Variants in STXBP5 observed in about 807,000 individuals in gnomAD.
STXBP5 encodes the protein syntaxin-binding protein 5.
STXBP5 carries 50 observed loss-of-function variants against 152.4 expected under a neutral mutation model. That is an observed-to-expected ratio of 0.33 (90% CI 0.26 to 0.42). The LOEUF (loss-of-function observed/expected upper bound fraction) is 0.42, where lower values mean the gene tolerates loss of function less well. Among genes scored for constraint, STXBP5 ranks in the 10% least tolerant of loss-of-function variants. STXBP5 has a pLI of 1.00. For synonymous variants in STXBP5, 492 were observed against 494.7 expected, an observed-to-expected ratio of 0.99 and a Z score of 0.07; for missense variants, 1,167 against 1,388.6, an observed-to-expected ratio of 0.84 and a Z score of 2.54.
chr6:147,258,769 C>G (rs1427655543), intron 4 of STXBP5, among the ~76,000 whole-genome samples: 1 of 152,034 alleles, frequency 6.6e-6, no homozygotes, highest in Non-Finnish European at 1.5e-5. Flanking sequence ...ACACATTACT[C>G]CTTTTAAGTA....
chr6:147,254,670 A>G (rs937911503), intron 4 of STXBP5, among the ~76,000 whole-genome samples: 3 of 152,234 alleles, frequency 2.0e-5, no homozygotes, highest in Non-Finnish European at 2.9e-5. Flanking sequence ...TTATGCAGAC[A>G]CTTCTCAAAT....
chr6:147,308,534 A>G (rs1241715904), intron 9 of STXBP5, among the ~76,000 whole-genome samples: 1 of 152,172 alleles, frequency 6.6e-6, no homozygotes, highest in African/African-American at 2.4e-5. Context: ...GGATGCAGCA[A>G]TGAACAAATC....
chr6:147,221,002 C>T (rs1334628910), intron 2 of STXBP5, among the ~76,000 whole-genome samples: 2 of 151,862 alleles, frequency 1.3e-5, no homozygotes, highest in African/African-American at 4.8e-5. Flanking sequence ...TTATATGGTT[C>T]CACATTTTCT....
At position 147,229,817 on chromosome 6, in the gene STXBP5, C is replaced by G. The variant is rs1777903212; in HGVS notation, c.249-5433C>G. The stretch of plus-strand genomic sequence containing the variant: ...ATGTCACCTATGAATAAAGATAGTT[C>G]TACTTTTTTTCTTTCTATTCTGAAC... On this transcript the variant is annotated intron_variant, in intron 2 of 27. Coordinates refer to ENST00000321680, the MANE Select transcript of STXBP5 (RefSeq NM_001127715.4). 2.6e-5 allele frequency among the ~76,000 whole-genome samples: 4 copies of G among 151,536 alleles called. No homozygotes were observed. In the South Asian group the frequency reaches 8.3e-4, roughly 31 times the overall value.
Position 147,239,187 on chromosome 6 carries a change from C to T in STXBP5, c.348C>T (p.Ala116=), listed in dbSNP as rs34324348. Residue 116 remains alanine (A), a synonymous_variant, in exon 4 of 28, where the codon GCC becomes GCT. Transcript: ENST00000321680. ...TTTTTAAGGGAGCGCTTGTGAGTGC[C>T]TTGGCTGATGACACCTTACACTTAT... ...FLINEGALVS[A]LADDTLHLWN... The T allele has an allele frequency of 0.017, 27,141 of 1,613,146 alleles. 259 individuals carry two copies. The highest frequency in any genetic ancestry group is 0.02 in the Non-Finnish European group (23,556 of 1,179,424).
At chr6:147,250,450 T>C (rs1779027104) in intron 4 of STXBP5, among the ~76,000 whole-genome samples, 1 of 152,230 alleles carries the variant, frequency 6.6e-6, no homozygotes, top group Non-Finnish European at 1.5e-5. Flanking sequence ...TTACATTGTA[T>C]TGGCATTGTA....
chr6:147,274,631 A>T (rs903581763), intron 7 of STXBP5, among the ~76,000 whole-genome samples: 19 of 152,198 alleles, frequency 1.2e-4, no homozygotes, highest in African/African-American at 4.1e-4. Context: ...CATGTACTTT[A>T]TTTGATTATA....
chr6:147,302,786 A>G (rs989508689), intron 9 of STXBP5, among the ~76,000 whole-genome samples: 1 of 152,168 alleles, frequency 6.6e-6, no homozygotes, highest in African/African-American at 2.4e-5. Context: ...TTGTACTCCA[A>G]ATTGGTGGAT....
intron 15 of STXBP5, 58 bp downstream of exon 15, chr6:147,315,793 T>C: frequency 6.5e-7 from 1 of 1,528,236 alleles, no homozygotes; most frequent in Non-Finnish European, 9.0e-7. Flanking sequence ...TTTTTAAATT[T>C]GTGGATGATT....
chr6:147,357,826 G>C (rs1260016529), intron 22 of STXBP5, among the ~76,000 whole-genome samples: 1 of 152,042 alleles, frequency 6.6e-6, no homozygotes, highest in Admixed American at 6.6e-5. Context: ...AGTGCCATTC[G>C]AAGAATTTAC....
At chr6:147,327,851 A>T (rs1192891700) in intron 18 of STXBP5, among the ~76,000 whole-genome samples, 2 of 152,222 alleles carry the variant, frequency 1.3e-5, no homozygotes, top group Non-Finnish European at 2.9e-5. Flanking sequence ...ATTATTATAT[A>T]AAAAAAGTTA....
At chr6:147,267,245 T>C in intron 7 of STXBP5, 78 bp downstream of exon 7, 1 of 1,258,228 alleles carries the variant, frequency 7.9e-7, no homozygotes, top group East Asian at 2.4e-5. Context: ...TAATTGGTAA[T>C]TTTACTTTAG....
intron 9 of STXBP5, 95 bp from the exon 10 acceptor site, chr6:147,309,989 G>A: frequency 1.1e-6 from 1 of 879,482 alleles, no homozygotes; most frequent in South Asian, 3.0e-5. Flanking sequence ...TAGAATTTAA[G>A]ATTTTGTTAT....
At chr6:147,347,123 C>A (rs1352136059) in intron 21 of STXBP5, among the ~76,000 whole-genome samples, 2 of 152,164 alleles carry the variant, frequency 1.3e-5, no homozygotes, top group African/African-American at 4.8e-5. Flanking sequence ...GTCCTGAGAA[C>A]TGTATATTTT....
intron 6 of STXBP5, among the ~76,000 whole-genome samples, chr6:147,264,715 G>A (rs1779806955): frequency 6.6e-6 from 1 of 152,020 alleles, no homozygotes; most frequent in Non-Finnish European, 1.5e-5. Flanking sequence ...GATTCTAGTA[G>A]GAATAAGCAT....
At chr6:147,361,004 T>G (rs1785040651) in intron 23 of STXBP5, among the ~76,000 whole-genome samples, 1 of 152,204 alleles carries the variant, frequency 6.6e-6, no homozygotes. Context: ...GCTCTATAAG[T>G]GCTTGAGTAT....
At chr6:147,230,985 C>A (rs1055546237) in intron 2 of STXBP5, among the ~76,000 whole-genome samples, 1 of 151,590 alleles carries the variant, frequency 6.6e-6, no homozygotes, top group Non-Finnish European at 1.5e-5. Context: ...ACTTAAAGGC[C>A]TCCCAATTCT....
chr6:147,257,539 G>C (rs1779429652), intron 4 of STXBP5, among the ~76,000 whole-genome samples: 1 of 151,766 alleles, frequency 6.6e-6, no homozygotes, highest in South Asian at 2.1e-4. Context: ...AAAAATATGA[G>C]TCATTGTTAT....
chr6:147,356,732 T>A (rs981871121), intron 22 of STXBP5, among the ~76,000 whole-genome samples: 2 of 152,130 alleles, frequency 1.3e-5, no homozygotes, highest in African/African-American at 4.8e-5. Flanking sequence ...AATCTAAATT[T>A]GATTGCAAAA....
Sources: gnomAD v4.1 joint callset for allele counts (sites outside exome capture counted in the v4.1 genomes callset) on GRCh38, gnomAD v4.1.1 for gene constraint, MANE v1.5 for transcripts, NCBI Gene and HGNC (gene_info 2026-07-23, HGNC 2026-07-21) for gene names.